ATRNL1: variants seen among roughly 807,000 people sequenced by gnomAD.
ATRNL1 encodes attractin-like protein 1.
ATRNL1 carries 95 observed loss-of-function variants against 182.7 expected under a neutral mutation model. That is an observed-to-expected ratio of 0.52 (90% CI 0.44 to 0.62). The LOEUF is 0.62. ATRNL1 is among the 20% of genes least tolerant of loss of function. ATRNL1 has a pLI of 0.00. For missense variants in ATRNL1, 1,471 were observed against 1,679.5 expected (o/e 0.88, Z 2.17); for synonymous variants, 576 against 568.3 (o/e 1.01, Z -0.19).
chr10:115,467,211 A>T lies in ATRNL1; in HGVS notation c.3455A>T (p.Asn1152Ile). ...KNLDISINAS[N>I]NFNLNITWSV... Reference sequence around the variant, plus strand: ...CTGGATATATCAATTAATGCATCAAACAACTTTAATCTCAACATTACGTGG... The same window carrying T: ...CTGGATATATCAATTAATGCATCAATCAACTTTAATCTCAACATTACGTGG... The change falls in exon 23 of 29, where the codon AAC becomes ATC. Residue 1152 changes from asparagine (N) to isoleucine (I), a missense_variant. Asn to Ile is a moderately radical substitution (Grantham distance 149). This residue lies in a region of ATRNL1 where 437 missense variants were observed against 506.0 expected (regional missense o/e 0.86). Coordinates refer to ENST00000355044, the MANE Select transcript of ATRNL1 (RefSeq NM_207303.4). 1 of 1,605,256 alleles carries T rather than the reference A, an allele frequency of 6.2e-7. No homozygotes were observed. Among genetic ancestry groups the T allele is most frequent in the South Asian group, 1.1e-5 (1 of 90,278 alleles).
At chr10:115,414,148 T>C (rs1460934459) in intron 20 of ATRNL1, among the ~76,000 whole-genome samples, 1 of 152,102 alleles carries the variant, frequency 6.6e-6, no homozygotes, top group African/African-American at 2.4e-5. Flanking sequence ...TATTGTAATC[T>C]AAAATAGTTT....
At chr10:115,715,427 T>A (rs1947218534) in intron 26 of ATRNL1, among the ~76,000 whole-genome samples, 2 of 152,210 alleles carry the variant, frequency 1.3e-5, no homozygotes, top group Non-Finnish European at 2.9e-5. Context: ...TATCTTTTGA[T>A]ATACGACATG....
At chr10:115,262,142 G>C (rs1851418032) in intron 10 of ATRNL1, among the ~76,000 whole-genome samples, 1 of 149,960 alleles carries the variant, frequency 6.7e-6, no homozygotes, top group Non-Finnish European at 1.5e-5. Flanking sequence ...CCATGATTCT[G>C]GAATATGCTT....
intron 19 of ATRNL1, among the ~76,000 whole-genome samples, chr10:115,386,670 T>C (rs1858370536): frequency 6.6e-6 from 1 of 151,966 alleles, no homozygotes. Context: ...ATTTTTATTT[T>C]ATTATTATTA....
At chr10:115,517,630 T>G (rs185876500) in intron 24 of ATRNL1, among the ~76,000 whole-genome samples, 1 of 152,012 alleles carries the variant, frequency 6.6e-6, no homozygotes, top group Non-Finnish European at 1.5e-5. Context: ...TTCAAGGTCC[T>G]TATGCCCCCT....
chr10:115,420,589 C>G (rs1845605877), intron 20 of ATRNL1, among the ~76,000 whole-genome samples: 1 of 152,024 alleles, frequency 6.6e-6, no homozygotes, highest in South Asian at 2.1e-4. Flanking sequence ...TAGCAATAAT[C>G]ACCTATTTGA....
intron 13 of ATRNL1, among the ~76,000 whole-genome samples, chr10:115,269,493 C>A (rs373061320): frequency 6.6e-6 from 1 of 151,924 alleles, no homozygotes; most frequent in Admixed American, 6.6e-5. Context: ...CACCACCATG[C>A]CTAGCTAATT....
intron 10 of ATRNL1, among the ~76,000 whole-genome samples, chr10:115,256,669 C>T (rs532888223): frequency 3.9e-5 from 6 of 152,008 alleles, no homozygotes; most frequent in East Asian, 1.9e-4. Context: ...TATTTCTTGC[C>T]TTCCGCTAGC....
At position 115,519,272 on chromosome 10, in the gene ATRNL1, TCACAA is replaced by T; in HGVS notation, c.3670_3674del (p.His1224TyrfsTer58). On this transcript the variant is annotated frameshift_variant, in exon 25 of 29. Transcript: ENST00000355044. LOFTEE classifies it high-confidence loss of function. The stretch of plus-strand genomic sequence containing the variant: ...TATTTTGATTTTTCAGATTGCATTC[TCACAA>T]CACAATACAATCATGGACCTTGTGC... 1 of 1,610,962 alleles carries T rather than the reference TCACAA, an allele frequency of 6.2e-7. No individual in the cohort carries two copies. The highest frequency in any genetic ancestry group is 1.1e-5 in the South Asian group (1 of 90,586).
At chr10:115,613,945 T>C (rs1342031257) in intron 26 of ATRNL1, among the ~76,000 whole-genome samples, 3 of 152,066 alleles carry the variant, frequency 2.0e-5, no homozygotes, top group Non-Finnish European at 2.9e-5. Context: ...TATTGACTTA[T>C]GTTTATCTTT....
In ATRNL1 at chr10:115,093,721, C is replaced by T; in HGVS notation, c.-30C>T. ...GCATCCCTGTCGGCGCCCGCGAGCGCAGTCTCGCCGGGCAGGGGCGCCGGG... is the reference window on the plus strand; with the variant it reads ...GCATCCCTGTCGGCGCCCGCGAGCGTAGTCTCGCCGGGCAGGGGCGCCGGG... On this transcript the variant is annotated 5_prime_UTR_variant, in exon 1 of 29. Transcript: ENST00000355044. The surrounding 1 kb of genome is among the most constrained non-coding windows in gnomAD (Gnocchi z 6.1). 1 of 1,418,766 alleles carries T rather than the reference C, an allele frequency of 7.0e-7. No individual in the cohort carries two copies. Among genetic ancestry groups the T allele is most frequent in the Non-Finnish European group, 9.2e-7 (1 of 1,092,306 alleles). 87.9% of individuals were successfully genotyped at this position (1,418,766 alleles called of 1,614,324 possible). A position where few individuals can be genotyped will look rare whatever the true frequency, so the allele number is the denominator to read the frequency against.
intron 27 of ATRNL1, among the ~76,000 whole-genome samples, chr10:115,728,238 T>G (rs1379945094): frequency 1.5e-5 from 2 of 129,974 alleles, no homozygotes; most frequent in South Asian, 2.3e-4. Flanking sequence ...GAGCTTGCAG[T>G]GAGCCGAGAT....
chr10:115,939,635 T>C (rs1016127521), intron 28 of ATRNL1, among the ~76,000 whole-genome samples: 3 of 152,190 alleles, frequency 2.0e-5, no homozygotes, highest in Admixed American at 6.6e-5. Context: ...TTAATTGTAT[T>C]GCTTTGATAA....
intron 8 of ATRNL1, among the ~76,000 whole-genome samples, chr10:115,206,173 C>G (rs1378698265): frequency 6.6e-6 from 1 of 152,044 alleles, no homozygotes; most frequent in African/African-American, 2.4e-5. Flanking sequence ...TATGATAAAA[C>G]CATAGTCATT....
chr10:115,288,518 CTT>C (rs1370350590), intron 15 of ATRNL1, among the ~76,000 whole-genome samples: 3 of 140,308 alleles, frequency 2.1e-5, no homozygotes, highest in African/African-American at 2.6e-5. Flanking sequence ...TGTATGTCTT[CTT>C]TTTTTTTTTT....
At chr10:115,614,763 C>G (rs140250862) in intron 26 of ATRNL1, among the ~76,000 whole-genome samples, 1,897 of 152,080 alleles carry the variant, frequency 0.012, 12 homozygotes, top group Non-Finnish European at 0.018. Flanking sequence ...ATCTGTGTAT[C>G]ATTATATAAT....
chr10:115,441,203 C>A (rs1846662188), intron 21 of ATRNL1, among the ~76,000 whole-genome samples: 1 of 151,828 alleles, frequency 6.6e-6, no homozygotes, highest in South Asian at 2.1e-4. Flanking sequence ...TCTACTGGAC[C>A]AATTTCCTTA....
intron 26 of ATRNL1, among the ~76,000 whole-genome samples, chr10:115,581,583 A>G (rs1430731156): frequency 6.6e-6 from 1 of 152,164 alleles, no homozygotes; most frequent in African/African-American, 2.4e-5. Flanking sequence ...AAATTAAAAT[A>G]TATATGTGCA....
At chr10:115,749,506 A>G (rs1159225197) in intron 27 of ATRNL1, among the ~76,000 whole-genome samples, 1 of 151,932 alleles carries the variant, frequency 6.6e-6, no homozygotes, top group Admixed American at 6.6e-5. Context: ...AGACGTGTAC[A>G]GTAAAGATGC....
Sources: gnomAD v4.1 joint callset for allele counts (sites outside exome capture counted in the v4.1 genomes callset) on GRCh38, gnomAD v4.1.1 for gene constraint, gnomAD v4.1.1 regional missense constraint, Gnocchi (gnomAD v3.1) non-coding constraint, MANE v1.5 for transcripts, NCBI Gene and HGNC (gene_info 2026-07-23, HGNC 2026-07-21) for gene names.